PPARA: variants seen among roughly 807,000 people sequenced by gnomAD.
PPARA encodes the protein peroxisome proliferator activated receptor alpha.
In PPARA, 22 loss-of-function variants were observed where a neutral mutation model predicts 42.2. That is an observed-to-expected ratio of 0.52 (90% CI 0.37 to 0.74). The LOEUF (loss-of-function observed/expected upper bound fraction) is 0.74. PPARA is among the 30% of genes least tolerant of loss of function. The pLI, the probability that PPARA is intolerant of heterozygous loss-of-function variation, is 0.00. For missense variants in PPARA, 465 were observed against 608.2 expected (o/e 0.76, Z 2.48); for synonymous variants, 242 against 239.3 (o/e 1.01, Z -0.10).
rs1292501114 is a variant in PPARA at position 46,163,096 on chromosome 22, G to A, written c.-127+11126G>A. Among the ~76,000 whole-genome samples the A allele has an allele frequency of 6.6e-6, 1 of 152,224 alleles. No homozygotes were observed. The highest frequency in any genetic ancestry group is 1.5e-5 in the Non-Finnish European group (1 of 68,034). On this transcript the variant is annotated intron_variant, in intron 2 of 8. Coordinates refer to ENST00000407236, the MANE Select transcript of PPARA (RefSeq NM_005036.6). This position sits in a 1 kb window ranked among gnomAD's most constrained non-coding sequence, Gnocchi z 4.9. ...GAGAGCAGCCTGCAGAGGGGAAAGAGCGGGGACAGAGGGTCACGGAGGTCG... is the reference window on the plus strand; with the variant it reads ...GAGAGCAGCCTGCAGAGGGGAAAGAACGGGGACAGAGGGTCACGGAGGTCG...
At chr22:46,177,770 C>G (rs868279919) in intron 3 of PPARA, among the ~76,000 whole-genome samples, 48 of 151,484 alleles carry the variant, frequency 3.2e-4, no homozygotes, top group African/African-American at 1.0e-3. Flanking sequence ...CCTGTTGAGA[C>G]AGGTCAGAAC....
At chr22:46,151,299 C>G (rs1202205131) in intron 1 of PPARA, 1 of 152,236 alleles carries the variant, frequency 6.6e-6, no homozygotes, top group Non-Finnish European at 1.5e-5. Context: ...CCCGGACAGG[C>G]TGCGCTGGGC....
Position 46,186,863 on chromosome 22 carries a change from T to C in PPARA, c.-43+10027T>C, listed in dbSNP as rs1401008292. ...TATCAAGCCCTATATATGCTATGTT[T>C]TTTCCCTGTATATGCATACCTATGA... On this transcript the variant is annotated intron_variant, in intron 3 of 8. Transcript: ENST00000407236. Among the ~76,000 whole-genome samples the C allele has an allele frequency of 2.0e-5, 3 of 152,136 alleles. No homozygotes were observed. In the South Asian group the frequency reaches 6.2e-4, roughly 31 times the overall value.
At chr22:46,155,684 C>T (rs1345707974) in intron 2 of PPARA, 1 of 152,110 alleles carries the variant, frequency 6.6e-6, no homozygotes, top group Non-Finnish European at 1.5e-5. Context: ...TCATTTCAGC[C>T]TTATGAATTG....
At chr22:46,177,069 G>T (rs4253671) in intron 3 of PPARA, among the ~76,000 whole-genome samples, 2 of 151,994 alleles carry the variant, frequency 1.3e-5, no homozygotes, top group Non-Finnish European at 2.9e-5. Flanking sequence ...AAATTAGCCG[G>T]GCATGGTGGC....
rs1203842445 is a variant in PPARA, at chr22:46,224,033, C to T, written c.711+4019C>T. Among the ~76,000 whole-genome samples the T allele has an allele frequency of 1.3e-5, 2 of 152,140 alleles. No individual in the cohort carries two copies. Among genetic ancestry groups the T allele is most frequent in the African/African-American group, 2.4e-5 (1 of 41,430 alleles). ...TTGGTTTTCTGTAGAAAAAGAGAACCGGGCACTCTTCCGAGAGTCAGATGC... is the reference window on the plus strand; with the variant it reads ...TTGGTTTTCTGTAGAAAAAGAGAACTGGGCACTCTTCCGAGAGTCAGATGC... On this transcript the variant is annotated intron_variant, in intron 7 of 8. Transcript: ENST00000407236. The surrounding 1 kb of genome is among the most constrained non-coding windows in gnomAD (Gnocchi z 5.7).
At chr22:46,220,985 G>A (rs1464549046) in intron 7 of PPARA, among the ~76,000 whole-genome samples, 2 of 151,986 alleles carry the variant, frequency 1.3e-5, no homozygotes, top group African/African-American at 4.8e-5. Context: ...ACTTTGAGGT[G>A]TATTAGTCTG....
rs969954504 is a variant in PPARA, at chr22:46,200,837, T to C, written c.208+2246T>C. 8.6e-5 allele frequency among the ~76,000 whole-genome samples: 13 copies of C among 151,796 alleles called. No homozygotes were observed. Among genetic ancestry groups the C allele is most frequent in the Non-Finnish European group, 1.3e-4 (9 of 67,984 alleles). On this transcript the variant is annotated intron_variant, in intron 4 of 8. Coordinates refer to ENST00000407236, the MANE Select transcript of PPARA (RefSeq NM_005036.6). This position sits in a 1 kb window ranked among gnomAD's most constrained non-coding sequence, Gnocchi z 4.8. ...ACTCAGGAGGCTGAGGCAGGGAGAA[T>C]TGCTTGAACCCAGGAGGCAGAGGTT...
intron 7 of PPARA, among the ~76,000 whole-genome samples, chr22:46,228,351 A>G (rs1274618240): frequency 6.6e-6 from 1 of 152,180 alleles, no homozygotes; most frequent in Non-Finnish European, 1.5e-5. Context: ...CCTGACCAAC[A>G]TGGTGAAACC....
intron 2 of PPARA, among the ~76,000 whole-genome samples, chr22:46,152,426 C>T (rs1924586831): frequency 6.6e-6 from 1 of 152,120 alleles, no homozygotes; most frequent in South Asian, 2.1e-4. Flanking sequence ...AGCCACCGTG[C>T]CTGGCCTAGG....
Position 46,167,616 on chromosome 22 carries a change from T to C in PPARA, c.-126-9137T>C, listed in dbSNP as rs1171537303. ...TTGCAGTGAGCCATGATTGCACCAC[T>C]GCACTCCAGACTGGGTGACAGAGAG... is the stretch of plus-strand genomic sequence containing the variant. On this transcript the variant is annotated intron_variant, in intron 2 of 8. Transcript: ENST00000407236. The surrounding 1 kb of genome is among the most constrained non-coding windows in gnomAD (Gnocchi z 4.1). Among the ~76,000 whole-genome samples the C allele has an allele frequency of 6.6e-6, 1 of 152,130 alleles. No individual in the cohort carries two copies. The highest frequency in any genetic ancestry group is 1.5e-5 in the Non-Finnish European group (1 of 68,036).
Position 46,241,979 on chromosome 22 carries a change from C to A in PPARA, c.*6599C>A, listed in dbSNP as rs1486141819. 6.6e-6 allele frequency: 1 copy of A among 150,798 alleles called. No individual in the cohort carries two copies. The highest frequency in any genetic ancestry group is 1.5e-5 in the Non-Finnish European group (1 of 67,850). 9.3% of individuals were successfully genotyped at this position (150,798 alleles called of 1,614,324 possible). On this transcript the variant is annotated 3_prime_UTR_variant, in exon 9 of 9. Coordinates refer to ENST00000407236, the MANE Select transcript of PPARA (RefSeq NM_005036.6). The surrounding 1 kb of genome is among the most constrained non-coding windows in gnomAD (Gnocchi z 5.7). Reference sequence around the variant, plus strand: ...TACATCAGAGATAGCAAACTAAGACCTGGGGAGGGGGGTCAGCTTTTATTT... The same window carrying A: ...TACATCAGAGATAGCAAACTAAGACATGGGGAGGGGGGTCAGCTTTTATTT...
At chr22:46,166,491 G>C (rs565329669) in intron 2 of PPARA, among the ~76,000 whole-genome samples, 9 of 151,946 alleles carry the variant, frequency 5.9e-5, no homozygotes, top group Non-Finnish European at 1.2e-4. Context: ...GGTGGCAGGC[G>C]CCTGTAATCC....
Position 46,162,420 on chromosome 22 carries a change from AC to A in PPARA, c.-127+10453del, listed in dbSNP as rs1257972916. On this transcript the variant is annotated intron_variant, in intron 2 of 8. Transcript: ENST00000407236. This position sits in a 1 kb window ranked among gnomAD's most constrained non-coding sequence, Gnocchi z 6.0. ...GGGCGTGCCGGAGACACACTCCCTT[AC>A]CCTCATACCCCGCCGCACCCCTGTG... 1.3e-5 allele frequency among the ~76,000 whole-genome samples: 2 copies of A among 151,764 alleles called. No homozygotes were observed. The highest frequency in any genetic ancestry group is 2.9e-5 in the Non-Finnish European group (2 of 67,924).
intron 2 of PPARA, among the ~76,000 whole-genome samples, chr22:46,175,606 C>T (rs1315572196): frequency 3.3e-5 from 5 of 151,348 alleles, no homozygotes; most frequent in East Asian, 3.9e-4. Flanking sequence ...CCCAGCTACT[C>T]GGGAGGCTGA....
Position 46,225,128 on chromosome 22 carries a change from A to G in PPARA, c.711+5114A>G, listed in dbSNP as rs1192539321. 6.6e-6 allele frequency among the ~76,000 whole-genome samples: 1 copy of G among 152,134 alleles called. No individual in the cohort carries two copies. Among genetic ancestry groups the G allele is most frequent in the African/African-American group, 2.4e-5 (1 of 41,432 alleles). On this transcript the variant is annotated intron_variant, in intron 7 of 8. Transcript: ENST00000407236. This position sits in a 1 kb window ranked among gnomAD's most constrained non-coding sequence, Gnocchi z 4.1. Reference sequence around the variant, plus strand: ...CGCATAGATGCCATTGCTTGAGGAAAGGTGGGCTTTAGCTGAGGGAAGGAG... The same window carrying G: ...CGCATAGATGCCATTGCTTGAGGAAGGGTGGGCTTTAGCTGAGGGAAGGAG...
At chr22:46,215,020 A>T (rs1405519000) in intron 4 of PPARA, among the ~76,000 whole-genome samples, 153 bp from the exon 5 acceptor site, 3 of 152,034 alleles carry the variant, frequency 2.0e-5, no homozygotes, top group Admixed American at 2.0e-4. Flanking sequence ...AGAGGGTGTG[A>T]CCCAGAGGCA....
intron 2 of PPARA, among the ~76,000 whole-genome samples, chr22:46,152,262 C>T (rs1569177201): frequency 2.0e-5 from 3 of 151,846 alleles, no homozygotes; most frequent in African/African-American, 4.8e-5. Context: ...CCTCAGCCTC[C>T]CGAGTAGCTG....
chr22:46,186,332 G>A (rs113177359), intron 3 of PPARA, among the ~76,000 whole-genome samples: 6,110 of 152,024 alleles, frequency 0.04, 165 homozygotes, highest in African/African-American at 0.081. Flanking sequence ...GCCCTTTCTG[G>A]TTCAGCTCAG....
Sources: gnomAD v4.1 joint callset for allele counts (sites outside exome capture counted in the v4.1 genomes callset) on GRCh38, gnomAD v4.1.1 for gene constraint, Gnocchi (gnomAD v3.1) non-coding constraint, MANE v1.5 for transcripts, NCBI Gene and HGNC (gene_info 2026-07-23, HGNC 2026-07-21) for gene names.